APOB: variants seen among roughly 807,000 people sequenced by gnomAD.
APOB encodes the protein apolipoprotein B-100.
Under a neutral mutation model 314.1 loss-of-function variants are expected in APOB, and 153 were observed. The ratio of observed to expected loss-of-function variants is 0.49; its 90% CI spans 0.43 to 0.56. The LOEUF (loss-of-function observed/expected upper bound fraction) is 0.56, where lower values mean the gene tolerates loss of function less well. Ranked by LOEUF, APOB falls within the 20% of genes least tolerant of loss-of-function variation. APOB has a pLI of 0.00. For missense variants in APOB, 5,430 were observed against 5,350.7 expected (o/e 1.01, Z -0.46); for synonymous variants, 2,087 against 2,036.4 (o/e 1.02, Z -0.67).
In APOB at chr2:21,034,824, A is replaced by G. The variant is rs775295865; in HGVS notation, c.896T>C (p.Phe299Ser). 2 of 1,589,220 alleles carry G rather than the reference A, an allele frequency of 1.3e-6. No individual in the cohort carries two copies. The highest frequency in any genetic ancestry group is 8.6e-7 in the Non-Finnish European group (1 of 1,157,304). Residue 299 changes from phenylalanine (F) to serine (S), a missense_variant, in exon 8 of 29, where the codon TTT (phenylalanine) becomes TCT (serine). Phe to Ser is a radical substitution (Grantham distance 155). Around this residue, in one of 3 missense-constraint regions of APOB, gnomAD observed 2,085 missense variants for 2,079.7 expected, o/e 1.00. Coordinates refer to ENST00000233242, the MANE Select transcript of APOB (RefSeq NM_000384.3). ...EDTPKINSRF[F>S]GEGTKKMGLA... ...TGGACAGAAACTCTTACCTTCACCA[A>G]AGAAGCGGCTGTTGATCTTTGGTGT... is the stretch of plus-strand genomic sequence containing the variant.
rs1395561974 is a variant in APOB, at chr2:21,006,530, T to C, written c.10338A>G (p.Gly3446=). The C allele has an allele frequency of 2.5e-6, 4 of 1,614,002 alleles. No individual in the cohort carries two copies. The highest frequency in any genetic ancestry group is 3.3e-5 in the Admixed American group (2 of 60,004). ...AGACAGTAGGTTTTGACTTGGTATTTCCATTAAGTTCTTGCTTGAAATTCA... is the reference window on the plus strand; with the variant it reads ...AGACAGTAGGTTTTGACTTGGTATTCCCATTAAGTTCTTGCTTGAAATTCA... ...LRMNFKQELN[G]NTKSKPTVSS... The change falls in exon 26 of 29, where the codon GGA becomes GGG. Residue 3446 remains glycine, a synonymous_variant. Coordinates refer to ENST00000233242, the MANE Select transcript of APOB (RefSeq NM_000384.3).
intron 24 of APOB, among the ~76,000 whole-genome samples, chr2:21,013,968 C>T (rs12720834): frequency 1.3e-5 from 2 of 152,210 alleles, no homozygotes; most frequent in African/African-American, 4.8e-5. Context: ...ATAGGGGATA[C>T]TTGATACAAA....
Position 21,002,245 on chromosome 2 carries a change from T to C in APOB, c.13177A>G (p.Ile4393Val), listed in dbSNP as rs199885764. 22 of 1,613,878 alleles carry C rather than the reference T, an allele frequency of 1.4e-5. No individual in the cohort carries two copies. Among genetic ancestry groups the C allele is most frequent in the Admixed American group, 5.0e-5 (3 of 59,984 alleles). ...TAATATTTCACTGTCCAGCCAACTA[T>C]ACTTGGATCAAAATATTCTTCACGA... ...ALREEYFDPSIVGWTVKYYEL... is the reference protein window; with the variant it reads ...ALREEYFDPSVVGWTVKYYEL... The change falls in exon 29 of 29, where the codon ATA becomes GTA. Residue 4393 changes from isoleucine (I) to valine (V), a missense_variant. Ile to Val is a conservative substitution (Grantham distance 29). Coordinates refer to ENST00000233242, the MANE Select transcript of APOB (RefSeq NM_000384.3).
chr2:21,017,073 G>T (rs1276930204), intron 20 of APOB, among the ~76,000 whole-genome samples: 1 of 151,106 alleles, frequency 6.6e-6, no homozygotes, highest in Non-Finnish European at 1.5e-5. Flanking sequence ...GGAAAGAGAG[G>T]AAAAGGTAGA....
At chr2:21,036,381 C>G (rs969702151) in intron 6 of APOB, among the ~76,000 whole-genome samples, 3 of 152,178 alleles carry the variant, frequency 2.0e-5, no homozygotes, top group Non-Finnish European at 4.4e-5. Flanking sequence ...ATCAGACTCC[C>G]TGTTTTCAAC....
rs757706868 is a variant in APOB at position 21,003,025 on chromosome 2, C to A, written c.12397G>T (p.Ala4133Ser). ...IDDIDVRFQKAASGTTGTYQE... is the reference protein window; with the variant it reads ...IDDIDVRFQKSASGTTGTYQE... ...TAGGTCCCAGTGGTGCCACTGGCTGCTTTCTGGAACCTCACGTCGATATCA... is the reference window on the plus strand; with the variant it reads ...TAGGTCCCAGTGGTGCCACTGGCTGATTTCTGGAACCTCACGTCGATATCA... Residue 4133 changes from alanine (A) to serine (S), a missense_variant, in exon 29 of 29, where the codon GCA becomes TCA. Transcript: ENST00000233242. The A allele has an allele frequency of 6.4e-7, 1 of 1,567,564 alleles. No individual in the cohort carries two copies. Among genetic ancestry groups the A allele is most frequent in the Admixed American group, 1.9e-5 (1 of 53,972 alleles).
In APOB at chr2:21,002,252, A is replaced by G; in HGVS notation, c.13170T>C (p.Asp4390=). 1 of 1,613,988 alleles carries G rather than the reference A, an allele frequency of 6.2e-7. No individual in the cohort carries two copies. Among genetic ancestry groups the G allele is most frequent in the Non-Finnish European group, 8.5e-7 (1 of 1,179,968 alleles). The change falls in exon 29 of 29, where the codon GAT becomes GAC. Residue 4390 remains aspartate, a synonymous_variant. Coordinates refer to ENST00000233242, the MANE Select transcript of APOB (RefSeq NM_000384.3). ...YIMALREEYF[D]PSIVGWTVKY... ...TCACTGTCCAGCCAACTATACTTGG[A>G]TCAAAATATTCTTCACGAAGGGCCA...
intron 2 of APOB, among the ~76,000 whole-genome samples, chr2:21,042,850 G>A (rs746968017): frequency 3.3e-5 from 5 of 151,738 alleles, no homozygotes; most frequent in Non-Finnish European, 7.4e-5. Context: ...CCGTAATTCC[G>A]TGACTCTAAG....
chr2:21,038,374 T>A (rs552846318), intron 4 of APOB, among the ~76,000 whole-genome samples: 1 of 152,172 alleles, frequency 6.6e-6, no homozygotes, highest in South Asian at 2.1e-4. Context: ...TCTCGCTCGG[T>A]CGCCCGGGCT....
intron 23 of APOB, 69 bp downstream of exon 23, chr2:21,015,004 T>C: frequency 6.8e-7 from 1 of 1,478,060 alleles, no homozygotes; most frequent in Admixed American, 1.7e-5. Context: ...TTCCTGCACC[T>C]AGCTCAGAGT....
chr2:21,032,078 G>T (rs924444055), intron 10 of APOB, among the ~76,000 whole-genome samples: 1 of 152,200 alleles, frequency 6.6e-6, no homozygotes, highest in Non-Finnish European at 1.5e-5. Context: ...GTAGGAGATA[G>T]CTGGTTTTCT....
At chr2:21,017,822 G>T (rs546248159) in intron 20 of APOB, among the ~76,000 whole-genome samples, 3 of 152,256 alleles carry the variant, frequency 2.0e-5, no homozygotes, top group South Asian at 2.1e-4. Flanking sequence ...AGCGTGCCCT[G>T]CTCCTCCAGT....
At position 21,014,577 on chromosome 2, in the gene APOB, A is replaced by G; in HGVS notation, c.3713T>C (p.Leu1238Pro). ...SKLIVAMSSW[L>P]QKASGSLPYT... ...AGGAAGACTCCCAGATGCCTTCTGA[A>G]GCCATGAGCTCATTGCCTACAAAAT... The change falls in exon 24 of 29, where the codon CTT becomes CCT. Residue 1238 changes from leucine to proline, a missense_variant. Around this residue, in one of 3 missense-constraint regions of APOB, gnomAD observed 2,085 missense variants for 2,079.7 expected, o/e 1.00. Transcript: ENST00000233242. 1 of 1,614,112 alleles carries G rather than the reference A, an allele frequency of 6.2e-7. No individual in the cohort carries two copies. Among genetic ancestry groups the G allele is most frequent in the Non-Finnish European group, 8.5e-7 (1 of 1,179,984 alleles).
intron 16 of APOB, 143 bp from the exon 17 acceptor site, chr2:21,023,835 G>C (rs1663672516): frequency 1.6e-6 from 1 of 639,040 alleles, no homozygotes; most frequent in Admixed American, 3.3e-5. Context: ...TGAATAGTTT[G>C]ATAAATAAAG....
At position 21,029,727 on chromosome 2, in the gene APOB, A is replaced by C. The variant is rs1422661243; in HGVS notation, c.1529T>G (p.Ile510Ser). ...CTTTGTACTTTGGACACATTTCAGG[A>C]TTGAAGACTTGAGTTCTGGAGTTAA... ...EQLTPELKSS[I>S]LKCVQSTKPS... Residue 510 changes from isoleucine (I) to serine (S), a missense_variant, in exon 12 of 29, where the codon ATC becomes AGC. By Grantham distance (142) the Ile-to-Ser change is moderately radical (BLOSUM62 -2). Transcript: ENST00000233242. The C allele has an allele frequency of 3.1e-6, 5 of 1,614,154 alleles. No individual in the cohort carries two copies. In the East Asian group the frequency reaches 6.7e-5, roughly 22 times the overall value.
intron 7 of APOB, 127 bp downstream of exon 7, chr2:21,035,457 G>A (rs1011979440): frequency 1.6e-6 from 2 of 1,240,742 alleles, no homozygotes; most frequent in South Asian, 1.2e-5. Flanking sequence ...GACAGGGAGG[G>A]GCGGCATTTT....
intron 4 of APOB, among the ~76,000 whole-genome samples, chr2:21,039,641 G>A (rs903331832): frequency 6.6e-6 from 1 of 152,154 alleles, no homozygotes; most frequent in African/African-American, 2.4e-5. Flanking sequence ...ATATCACTAT[G>A]TTCTCAATAA....
intron 1 of APOB, 95 bp downstream of exon 1, chr2:21,043,769 C>G: frequency 6.6e-7 from 1 of 1,513,596 alleles, no homozygotes; most frequent in Non-Finnish European, 8.8e-7. Context: ...CTGTGGCTGC[C>G]CTCCCTCTGG....
rs1663895009 is a variant in APOB at position 21,032,049 on chromosome 2, A to G, written c.1352+305T>C. On this transcript the variant is annotated intron_variant, in intron 10 of 28. Coordinates refer to ENST00000233242, the MANE Select transcript of APOB (RefSeq NM_000384.3). ...GATGGATGTATATGTGATAAAGCAA[A>G]TATAATAACACTTAAATAGTAGGAG... Among the ~76,000 whole-genome samples, 3 of 152,232 alleles carry G rather than the reference A, an allele frequency of 2.0e-5. No homozygotes were observed. In the South Asian group the frequency reaches 6.2e-4, roughly 32 times the overall value.
Sources: gnomAD v4.1 joint callset for allele counts (sites outside exome capture counted in the v4.1 genomes callset) on GRCh38, gnomAD v4.1.1 for gene constraint, gnomAD v4.1.1 regional missense constraint, MANE v1.5 for transcripts, NCBI Gene and HGNC (gene_info 2026-07-23, HGNC 2026-07-21) for gene names.